AXDND1: variants seen among roughly 807,000 people sequenced by gnomAD.
AXDND1 encodes axonemal dynein light chain domain-containing protein 1.
In AXDND1, 110 loss-of-function variants were observed where a neutral mutation model predicts 137.5. That is an observed-to-expected ratio of 0.80 (90% CI 0.69 to 0.94). The LOEUF (loss-of-function observed/expected upper bound fraction) is 0.94, where lower values mean the gene tolerates loss of function less well. AXDND1 is among the 40% of genes least tolerant of loss of function. AXDND1 has a pLI of 0.00. For missense variants in AXDND1, 1,191 were observed against 1,169.8 expected, an observed-to-expected ratio of 1.02 and a Z score of -0.26; for synonymous variants, 414 against 399.7, an observed-to-expected ratio of 1.04 and a Z score of -0.43.
chr1:179,468,733 A>T, intron 17 of AXDND1, 92 bp downstream of exon 17: 2 of 1,057,052 alleles, frequency 1.9e-6, no homozygotes, highest in Non-Finnish European at 2.7e-6. Flanking sequence ...TTCAAAGTGT[A>T]CAATTCTGTG....
intron 18 of AXDND1, among the ~76,000 whole-genome samples, chr1:179,488,652 T>TC (rs1558256729): frequency 8.6e-6 from 1 of 116,484 alleles, no homozygotes; most frequent in South Asian, 2.5e-4. Context: ...TCTTTCTTTC[T>TC]TTCTTTCTTT....
chr1:179,486,188 G>T (rs1051452233), intron 18 of AXDND1, among the ~76,000 whole-genome samples: 1 of 144,634 alleles, frequency 6.9e-6, no homozygotes, highest in Non-Finnish European at 1.5e-5. Context: ...TAATGCAATT[G>T]CAAGTATTAA....
chr1:179,454,098 G>A (rs1480261927), intron 16 of AXDND1: 3 of 152,142 alleles, frequency 2.0e-5, no homozygotes, highest in African/African-American at 7.2e-5. Flanking sequence ...TTGAAGTGTG[G>A]AGATTTGGGA....
intron 4 of AXDND1, 51 bp downstream of exon 4, chr1:179,370,129 C>A: frequency 7.1e-7 from 1 of 1,401,524 alleles, no homozygotes; most frequent in South Asian, 1.2e-5. Flanking sequence ...GTTGTTTTCT[C>A]ATTTTGAATG....
intron 15 of AXDND1, among the ~76,000 whole-genome samples, chr1:179,442,199 T>C (rs1369621759): frequency 6.6e-6 from 1 of 152,190 alleles, no homozygotes; most frequent in Non-Finnish European, 1.5e-5. Context: ...CGTACAGATG[T>C]TTCTGCAACT....
intron 9 of AXDND1, among the ~76,000 whole-genome samples, chr1:179,392,103 T>G (rs562690044): frequency 6.6e-6 from 1 of 152,310 alleles, no homozygotes; most frequent in South Asian, 2.1e-4. Context: ...GTACCAAATA[T>G]GTAGTCTTTA....
At chr1:179,479,718 G>A (rs6678546) in intron 17 of AXDND1, among the ~76,000 whole-genome samples, 69,375 of 151,898 alleles carry the variant, frequency 0.46, 16,714 homozygotes, top group East Asian at 0.76. Flanking sequence ...CAGTGCTTGC[G>A]GTGAGCCGAG....
In AXDND1 at chr1:179,386,813, C is replaced by T. The variant is rs189619326; in HGVS notation, c.863+1454C>T. 3.0e-3 allele frequency among the ~76,000 whole-genome samples: 464 copies of T among 152,186 alleles called. 3 individuals carry two copies. Among genetic ancestry groups the T allele is most frequent in the African/African-American group, 0.01 (430 of 41,540 alleles). On this transcript the variant is annotated intron_variant, in intron 9 of 25. Coordinates refer to ENST00000367618, the MANE Select transcript of AXDND1 (RefSeq NM_144696.6). ...GATCTTGGCTCATTGCAGCCTTGAA[C>T]TCCTGAGCTCAAGTGATCCGCCTAC...
chr1:179,462,112 T>C (rs4652389), intron 16 of AXDND1, among the ~76,000 whole-genome samples: 82,203 of 151,974 alleles, frequency 0.54, 22,453 homozygotes, highest in African/African-American at 0.61. Context: ...GAGGGCATCC[T>C]TGTCTTGTGC....
intron 18 of AXDND1, among the ~76,000 whole-genome samples, chr1:179,489,512 A>G (rs1666594222): frequency 6.6e-6 from 1 of 152,194 alleles, no homozygotes; most frequent in Non-Finnish European, 1.5e-5. Flanking sequence ...GTATTTTCAC[A>G]AAGAAGCAGC....
In AXDND1 at chr1:179,552,947, C is replaced by A. The variant is rs11799973; in HGVS notation, c.3032-1565C>A. On this transcript the variant is annotated intron_variant, in intron 25 of 25. Transcript: ENST00000367618. ...GCACAGCAGGTTTTGTATTGATGAG[C>A]TGTGCTCAGTTTTTCCGCTTAGGAT... Among the ~76,000 whole-genome samples the A allele has an allele frequency of 0.052, 7,938 of 152,280 alleles. 281 individuals carry two copies. Among genetic ancestry groups the A allele is most frequent in the Non-Finnish European group, 0.07 (4,771 of 68,026 alleles).
chr1:179,490,613 A>T (rs1052722459), intron 18 of AXDND1, among the ~76,000 whole-genome samples: 6 of 152,234 alleles, frequency 3.9e-5, no homozygotes, highest in Admixed American at 3.9e-4. Flanking sequence ...ATTGAAAGAA[A>T]AAACCTTTTA....
intron 17 of AXDND1, among the ~76,000 whole-genome samples, chr1:179,480,289 G>T (rs1457739289): frequency 6.6e-6 from 1 of 152,192 alleles, no homozygotes; most frequent in Non-Finnish European, 1.5e-5. Flanking sequence ...CATAATCCTG[G>T]TGGAAGGTGA....
chr1:179,374,461 A>G (rs532330712), intron 4 of AXDND1, among the ~76,000 whole-genome samples: 2 of 152,290 alleles, frequency 1.3e-5, no homozygotes, highest in East Asian at 3.9e-4. Context: ...TTGACCCAGC[A>G]ATCCCATTAC....
chr1:179,463,932 G>C (rs1345165019), intron 16 of AXDND1, among the ~76,000 whole-genome samples: 3 of 151,714 alleles, frequency 2.0e-5, no homozygotes, highest in Non-Finnish European at 1.5e-5. Context: ...TCAGAGACTA[G>C]GATTGCAACC....
intron 21 of AXDND1, among the ~76,000 whole-genome samples, chr1:179,511,579 G>A (rs761205418): frequency 9.9e-5 from 15 of 152,102 alleles, no homozygotes; most frequent in Admixed American, 3.3e-4. Flanking sequence ...TAGATACCCA[G>A]TAATGAGATT....
intron 16 of AXDND1, among the ~76,000 whole-genome samples, chr1:179,464,785 G>A (rs552838322): frequency 2.6e-5 from 4 of 152,148 alleles, no homozygotes; most frequent in Non-Finnish European, 5.9e-5. Context: ...TCACATAGTC[G>A]CATATTTCTT....
intron 3 of AXDND1, among the ~76,000 whole-genome samples, chr1:179,369,514 T>C (rs1009590084): frequency 2.0e-5 from 3 of 152,056 alleles, no homozygotes; most frequent in Non-Finnish European, 4.4e-5. Flanking sequence ...TAGCTGGGCA[T>C]AGTGGCATGC....
chr1:179,435,304 G>A (rs6425548), intron 15 of AXDND1, among the ~76,000 whole-genome samples: 132,917 of 152,168 alleles, frequency 0.87, 58,166 homozygotes, highest in East Asian at 0.9. Flanking sequence ...TTCCCATCAA[G>A]TTAGCATTGA....
Sources: gnomAD v4.1 joint callset for allele counts (sites outside exome capture counted in the v4.1 genomes callset) on GRCh38, gnomAD v4.1.1 for gene constraint, MANE v1.5 for transcripts, NCBI Gene and HGNC (gene_info 2026-07-23, HGNC 2026-07-21) for gene names.